Variants in AUTS2 observed in about 807,000 individuals in gnomAD.
The protein encoded by AUTS2 is autism susceptibility gene 2 protein.
Under a neutral mutation model 112.4 loss-of-function variants are expected in AUTS2, and 17 were observed. That is an observed-to-expected ratio of 0.15 (90% CI 0.10 to 0.23). The LOEUF (loss-of-function observed/expected upper bound fraction) is 0.23, where lower values mean the gene tolerates loss of function less well. Ranked by LOEUF, AUTS2 falls within the 10% of genes least tolerant of loss-of-function variation. The probability of loss-of-function intolerance (pLI) is 1.00; values close to 1 mark genes in which losing one functional copy is unlikely to be tolerated. For missense variants in AUTS2, 1,510 were observed against 1,701.6 expected (o/e 0.89, Z 1.98); for synonymous variants, 751 against 702.7 (o/e 1.07, Z -1.09).
intron 6 of AUTS2, among the ~76,000 whole-genome samples, chr7:70,745,935 CATT>C (rs1788422898): frequency 6.6e-6 from 1 of 152,250 alleles, no homozygotes; most frequent in African/African-American, 2.4e-5. Flanking sequence ...GTATTTTTCT[CATT>C]ATGATTTTTT....
intron 1 of AUTS2, among the ~76,000 whole-genome samples, chr7:69,786,874 T>G (rs1789401240): frequency 6.6e-6 from 1 of 152,194 alleles, no homozygotes; most frequent in Non-Finnish European, 1.5e-5. Context: ...CTACACTTAG[T>G]GTGTGTATTG....
intron 6 of AUTS2, among the ~76,000 whole-genome samples, chr7:70,757,431 G>A (rs933315594): frequency 6.6e-6 from 1 of 151,904 alleles, no homozygotes; most frequent in African/African-American, 2.4e-5. Context: ...TCTTTCTTTT[G>A]TTGTATAATA....
chr7:70,741,305 G>A (rs541103065), intron 6 of AUTS2, among the ~76,000 whole-genome samples: 2 of 151,582 alleles, frequency 1.3e-5, no homozygotes, highest in South Asian at 2.1e-4. Flanking sequence ...TGGGAGAAAT[G>A]GGATTAGGGA....
intron 5 of AUTS2, among the ~76,000 whole-genome samples, chr7:70,680,228 A>T (rs554146659): frequency 6.6e-6 from 1 of 152,342 alleles, no homozygotes; most frequent in East Asian, 1.9e-4. Context: ...TTCAGCACAG[A>T]GACTATTCTC....
At chr7:70,785,623 T>G (rs1791399267) in intron 16 of AUTS2, among the ~76,000 whole-genome samples, 1 of 152,206 alleles carries the variant, frequency 6.6e-6, no homozygotes, top group South Asian at 2.1e-4. Context: ...TCTGTTCTGT[T>G]AGAATCTGCA....
At chr7:70,666,689 G>C (rs974326929) in intron 5 of AUTS2, among the ~76,000 whole-genome samples, 1 of 151,846 alleles carries the variant, frequency 6.6e-6, no homozygotes, top group Non-Finnish European at 1.5e-5. Context: ...GGAAATTTCT[G>C]TGCACCCCCA....
chr7:70,465,825 G>C (rs893285310), intron 5 of AUTS2, among the ~76,000 whole-genome samples: 2 of 152,192 alleles, frequency 1.3e-5, no homozygotes, highest in Non-Finnish European at 2.9e-5. Context: ...AGCCACAGCT[G>C]TCTGTGTACC....
At chr7:69,987,663 T>C (rs1190573513) in intron 2 of AUTS2, among the ~76,000 whole-genome samples, 1 of 152,022 alleles carries the variant, frequency 6.6e-6, no homozygotes, top group African/African-American at 2.4e-5. Flanking sequence ...AGAGACCAGG[T>C]CTTGTGATGT....
At chr7:70,004,069 TTA>T (rs1184321513) in intron 2 of AUTS2, among the ~76,000 whole-genome samples, 1 of 50,870 alleles carries the variant, frequency 2.0e-5, no homozygotes, top group Admixed American at 1.9e-4. Context: ...AATATATATA[TTA>T]TATATGAATG....
intron 5 of AUTS2, among the ~76,000 whole-genome samples, chr7:70,668,522 A>T (rs757966897): frequency 7.2e-5 from 11 of 152,206 alleles, no homozygotes; most frequent in Non-Finnish European, 1.3e-4. Context: ...AGACCTTGTT[A>T]TCTTTCTCAG....
intron 6 of AUTS2, among the ~76,000 whole-genome samples, chr7:70,734,783 C>T (rs1029783811): frequency 2.0e-5 from 3 of 152,114 alleles, no homozygotes; most frequent in African/African-American, 7.2e-5. Flanking sequence ...GATTCTTAAA[C>T]TGTTTATCAT....
intron 4 of AUTS2, among the ~76,000 whole-genome samples, chr7:70,203,633 T>A (rs1264342409): frequency 6.8e-6 from 1 of 148,008 alleles, no homozygotes; most frequent in African/African-American, 2.5e-5. Context: ...GTACCTTTTT[T>A]AAACAGAGTC....
At chr7:69,761,809 A>T (rs534614185) in intron 1 of AUTS2, among the ~76,000 whole-genome samples, 1 of 152,302 alleles carries the variant, frequency 6.6e-6, no homozygotes, top group East Asian at 1.9e-4. Flanking sequence ...ATATTTCAGG[A>T]TTACTTCGAC....
At chr7:69,647,017 G>A (rs1382031918) in intron 1 of AUTS2, among the ~76,000 whole-genome samples, 1 of 152,204 alleles carries the variant, frequency 6.6e-6, no homozygotes, top group Non-Finnish European at 1.5e-5. Context: ...GAACCCGGGA[G>A]GCGGAGCTTG....
At chr7:70,284,861 G>A (rs191759213) in intron 4 of AUTS2, among the ~76,000 whole-genome samples, 1 of 152,310 alleles carries the variant, frequency 6.6e-6, no homozygotes, top group Non-Finnish European at 1.5e-5. Flanking sequence ...AGAGGTCCAG[G>A]ATTGTTCTGA....
intron 1 of AUTS2, among the ~76,000 whole-genome samples, chr7:69,888,299 A>G (rs1794363780): frequency 6.6e-6 from 1 of 151,540 alleles, no homozygotes; most frequent in African/African-American, 2.4e-5. Flanking sequence ...TGTGGCTTCC[A>G]CTCATGATGG....
At chr7:70,031,575 T>C (rs1473872739) in intron 2 of AUTS2, among the ~76,000 whole-genome samples, 2 of 152,152 alleles carry the variant, frequency 1.3e-5, no homozygotes, top group African/African-American at 4.8e-5. Context: ...CTGGCATAGC[T>C]CAGTGAAGAT....
intron 4 of AUTS2, among the ~76,000 whole-genome samples, chr7:70,290,180 G>C (rs1788644455): frequency 6.6e-6 from 1 of 152,074 alleles, no homozygotes; most frequent in African/African-American, 2.4e-5. Context: ...GAGCAGGCAG[G>C]CATCAATTTT....
intron 5 of AUTS2, among the ~76,000 whole-genome samples, chr7:70,621,891 A>G (rs1177513395): frequency 2.6e-5 from 3 of 116,308 alleles, no homozygotes; most frequent in African/African-American, 6.9e-5. Context: ...CTGTCGCCCA[A>G]GCTGGAGTGC....
Sources: gnomAD v4.1 joint callset for allele counts (sites outside exome capture counted in the v4.1 genomes callset) on GRCh38, gnomAD v4.1.1 for gene constraint, MANE v1.5 for transcripts, NCBI Gene and HGNC (gene_info 2026-07-23, HGNC 2026-07-21) for gene names.